TMEM45A: variants seen among roughly 807,000 people sequenced by gnomAD.
TMEM45A encodes the protein transmembrane protein 45A, also known as DNA polymerase-transactivated protein 4.
TMEM45A carries 25 observed loss-of-function variants against 32.0 expected under a neutral mutation model. That is an observed-to-expected ratio of 0.78 (90% CI 0.57 to 1.09). TMEM45A has a LOEUF of 1.09. TMEM45A is among the 50% of genes least tolerant of loss of function. The pLI, the probability that TMEM45A is intolerant of heterozygous loss-of-function variation, is 0.00. For missense variants in TMEM45A, 302 were observed against 325.0 expected (o/e 0.93, Z 0.54); for synonymous variants, 122 against 114.8 (o/e 1.06, Z -0.40).
chr3:100,556,731 T>G, intron 2 of TMEM45A, 29 bp from the exon 3 acceptor site: 1 of 1,586,452 alleles, frequency 6.3e-7, no homozygotes, highest in South Asian at 1.1e-5. Flanking sequence ...AAAGCAGAGT[T>G]GCTAAAACTG....
At chr3:100,507,232 C>T (rs1188716796) in intron 1 of TMEM45A, among the ~76,000 whole-genome samples, 1 of 152,234 alleles carries the variant, frequency 6.6e-6, no homozygotes, top group African/African-American at 2.4e-5. Flanking sequence ...AGACACTTGA[C>T]TGCCAGAACA....
rs1708233285 is a variant in TMEM45A, at chr3:100,514,824, AC to A, written c.-4+21897del. Among the ~76,000 whole-genome samples, 5 of 150,518 alleles carry A rather than the reference AC, an allele frequency of 3.3e-5. No homozygotes were observed. The South Asian group carries it at 1.1e-3, about 32-fold the overall frequency. On this transcript the variant is annotated intron_variant, in intron 1 of 5. Coordinates refer to ENST00000323523, the MANE Select transcript of TMEM45A (RefSeq NM_018004.3). The stretch of plus-strand genomic sequence containing the variant: ...ATCAAAAAGTGGGCGAAGGACATGA[AC>A]AGACACTTCTCAAAAGAAGACATTT...
intron 1 of TMEM45A, among the ~76,000 whole-genome samples, chr3:100,535,672 A>G (rs1297580532): frequency 2.6e-5 from 4 of 152,196 alleles, no homozygotes; most frequent in African/African-American, 4.8e-5. Context: ...ATGACATCCA[A>G]TCATAAGTCC....
At chr3:100,571,291 G>A (rs1029385799) in intron 5 of TMEM45A, 6 of 151,988 alleles carry the variant, frequency 3.9e-5, no homozygotes, top group Non-Finnish European at 7.4e-5. Context: ...AAAACATGAT[G>A]GAAGCTGTAG....
At chr3:100,548,316 C>A (rs566460927) in intron 1 of TMEM45A, among the ~76,000 whole-genome samples, 1 of 152,300 alleles carries the variant, frequency 6.6e-6, no homozygotes, top group African/African-American at 2.4e-5. Context: ...TGATGCTACT[C>A]TGTTTGTCTC....
At chr3:100,574,725 C>T (rs921822477) in intron 5 of TMEM45A, 1 of 152,220 alleles carries the variant, frequency 6.6e-6, no homozygotes, top group Non-Finnish European at 1.5e-5. Flanking sequence ...ATTTCCCACA[C>T]CTCTTGGCAC....
At chr3:100,549,283 A>C (rs985856946) in intron 1 of TMEM45A, among the ~76,000 whole-genome samples, 1 of 151,906 alleles carries the variant, frequency 6.6e-6, no homozygotes, top group East Asian at 1.9e-4. Context: ...AAACAAAAAA[A>C]CCACCAAAAC....
chr3:100,493,772 C>G (rs905714301), intron 1 of TMEM45A, among the ~76,000 whole-genome samples: 1 of 152,088 alleles, frequency 6.6e-6, no homozygotes, highest in Non-Finnish European at 1.5e-5. Context: ...ACTCTTGTCG[C>G]CAAGGCTGGA....
chr3:100,559,002 T>C (rs368022218), intron 4 of TMEM45A, among the ~76,000 whole-genome samples: 1 of 152,240 alleles, frequency 6.6e-6, no homozygotes, highest in South Asian at 2.1e-4. Flanking sequence ...TTTTATTTTT[T>C]CCTTGCAACA....
chr3:100,500,883 C>T (rs1334589472), intron 1 of TMEM45A, among the ~76,000 whole-genome samples: 1 of 152,134 alleles, frequency 6.6e-6, no homozygotes, highest in Admixed American at 6.5e-5. Context: ...CCTGGAATTC[C>T]AAAGGCTTAA....
intron 1 of TMEM45A, among the ~76,000 whole-genome samples, chr3:100,514,715 G>T (rs112689595): frequency 3.3e-5 from 5 of 152,010 alleles, no homozygotes; most frequent in Admixed American, 6.5e-5. Context: ...GAAAATGTTC[G>T]CAACCTACTC....
intron 1 of TMEM45A, among the ~76,000 whole-genome samples, chr3:100,545,107 G>T (rs1440803806): frequency 6.6e-6 from 1 of 152,138 alleles, no homozygotes; most frequent in Non-Finnish European, 1.5e-5. Flanking sequence ...TTTCATGTTT[G>T]CCATTTGTAT....
At chr3:100,527,644 G>T (rs766495859) in intron 1 of TMEM45A, among the ~76,000 whole-genome samples, 1 of 152,154 alleles carries the variant, frequency 6.6e-6, no homozygotes, top group Non-Finnish European at 1.5e-5. Context: ...CAATTTTATT[G>T]TGGGTGTTTT....
intron 1 of TMEM45A, among the ~76,000 whole-genome samples, chr3:100,522,623 G>A (rs899366543): frequency 1.3e-5 from 2 of 152,140 alleles, no homozygotes; most frequent in African/African-American, 4.8e-5. Context: ...GTAGGTGGGA[G>A]GGCTCATTCC....
At chr3:100,518,182 T>C (rs1053704899) in intron 1 of TMEM45A, among the ~76,000 whole-genome samples, 4 of 152,190 alleles carry the variant, frequency 2.6e-5, no homozygotes, top group Admixed American at 2.6e-4. Context: ...ATTTTGCTTC[T>C]GGGCCCCACA....
At chr3:100,506,282 C>A (rs977970435) in intron 1 of TMEM45A, among the ~76,000 whole-genome samples, 2 of 152,142 alleles carry the variant, frequency 1.3e-5, no homozygotes, top group African/African-American at 4.8e-5. Context: ...CATAAAAAAG[C>A]AATTTGCAAA....
intron 1 of TMEM45A, among the ~76,000 whole-genome samples, chr3:100,539,462 T>TATGCATATGC (rs1190438042): frequency 0.12 from 12,953 of 105,938 alleles, 1,668 homozygotes; most frequent in Non-Finnish European, 0.18. Flanking sequence ...TATGTATATG[T>TATGCATATGC]ATATGTATAT....
At chr3:100,496,287 T>G (rs1707925904) in intron 1 of TMEM45A, among the ~76,000 whole-genome samples, 1 of 152,240 alleles carries the variant, frequency 6.6e-6, no homozygotes, top group African/African-American at 2.4e-5. Flanking sequence ...TTCTGATCAC[T>G]TAATACATGG....
chr3:100,517,106 G>T (rs966819154), intron 1 of TMEM45A, among the ~76,000 whole-genome samples: 3 of 121,630 alleles, frequency 2.5e-5, no homozygotes, highest in Admixed American at 1.6e-4. Flanking sequence ...ACGTGGGAAT[G>T]AAATTTTTCT....
Sources: allele counts gnomAD v4.1 joint callset (sites outside exome capture counted in the v4.1 genomes callset), GRCh38; gene constraint gnomAD v4.1.1; transcripts MANE v1.5; gene names NCBI Gene and HGNC (gene_info 2026-07-23, HGNC 2026-07-21).